Variants in ACOXL observed in about 807,000 individuals in gnomAD.
The protein encoded by ACOXL is acyl-CoA oxidase like, also known as acyl-coenzyme A oxidase-like protein.
In ACOXL, 70 loss-of-function variants were observed where a neutral mutation model predicts 71.9. That is an observed-to-expected ratio of 0.97 (90% CI 0.80 to 1.19). The LOEUF (loss-of-function observed/expected upper bound fraction) is 1.19. Among genes scored for constraint, ACOXL ranks in the 50% most tolerant of loss-of-function variants. The probability of loss-of-function intolerance (pLI) is 0.00; values close to 1 mark genes in which losing one functional copy is unlikely to be tolerated. For missense variants in ACOXL, 703 were observed against 736.3 expected (o/e 0.95, Z 0.52); for synonymous variants, 253 against 281.6 (o/e 0.90, Z 1.02).
At chr2:110,797,444 T>C (rs1033234032) in intron 5 of ACOXL, among the ~76,000 whole-genome samples, 28 of 152,120 alleles carry the variant, frequency 1.8e-4, no homozygotes, top group African/African-American at 6.8e-4. Context: ...ATCAGGGAAA[T>C]AGAGAGACAT....
chr2:111,092,799 C>A lies in ACOXL; in HGVS notation c.1441-66C>A. On this transcript the variant is annotated intron_variant, in intron 16 of 17. Coordinates refer to ENST00000439055, the MANE Select transcript of ACOXL (RefSeq NM_001142807.4). ...TATTATGTTATTTCTCTTTCGCCTC[C>A]TTAGATTTTGTGTTTTCTAATATAT... 3.5e-6 allele frequency: 4 copies of A among 1,127,848 alleles called. No individual in the cohort carries two copies. The South Asian group carries it at 5.2e-5, about 15-fold the overall frequency. The allele number at this position is 1,127,848 out of a possible 1,614,324, so 69.9% of individuals were successfully genotyped here.
intron 11 of ACOXL, among the ~76,000 whole-genome samples, chr2:110,913,755 A>G (rs2059735853): frequency 6.6e-6 from 1 of 152,208 alleles, no homozygotes; most frequent in Middle Eastern, 3.4e-3. Context: ...GGTCTCCGGG[A>G]GCTTTTATTC....
intron 10 of ACOXL, among the ~76,000 whole-genome samples, chr2:110,880,647 C>G (rs1441675318): frequency 6.6e-6 from 1 of 152,166 alleles, no homozygotes; most frequent in Admixed American, 6.5e-5. Context: ...TGCCAAACTG[C>G]TCTGCAAAAG....
At chr2:110,955,048 T>A (rs767205201) in intron 12 of ACOXL, among the ~76,000 whole-genome samples, 2 of 152,228 alleles carry the variant, frequency 1.3e-5, no homozygotes, top group Non-Finnish European at 2.9e-5. Flanking sequence ...TGTCATGACC[T>A]ATGGTTTCAC....
chr2:110,780,247 A>G (rs1203451775), intron 2 of ACOXL, among the ~76,000 whole-genome samples: 1 of 152,234 alleles, frequency 6.6e-6, no homozygotes, highest in Non-Finnish European at 1.5e-5. Context: ...TCTTTAAACT[A>G]TAGTGATATA....
intron 15 of ACOXL, 116 bp downstream of exon 15, chr2:111,031,830 T>C (rs111893813): frequency 1.9e-6 from 2 of 1,056,106 alleles, no homozygotes; most frequent in African/African-American, 1.6e-5. Context: ...GGACAGTCCG[T>C]GTGTTGAATT....
At chr2:110,951,958 T>A (rs2149410846) in intron 12 of ACOXL, among the ~76,000 whole-genome samples, 1 of 152,350 alleles carries the variant, frequency 6.6e-6, no homozygotes, top group East Asian at 1.9e-4. Context: ...AGGGGTGTCC[T>A]TAACCTAGTT....
At chr2:110,770,857 G>A (rs1259956310) in intron 2 of ACOXL, among the ~76,000 whole-genome samples, 1 of 152,254 alleles carries the variant, frequency 6.6e-6, no homozygotes, top group Non-Finnish European at 1.5e-5. Context: ...AGACCCGGAT[G>A]TGAGAGCTGA....
intron 14 of ACOXL, among the ~76,000 whole-genome samples, chr2:111,014,749 G>T (rs962997360): frequency 6.6e-6 from 1 of 152,190 alleles, no homozygotes; most frequent in Non-Finnish European, 1.5e-5. Context: ...CAATAATACA[G>T]ACATGGTACT....
At chr2:110,979,586 C>T (rs1039622668) in intron 12 of ACOXL, among the ~76,000 whole-genome samples, 2 of 152,164 alleles carry the variant, frequency 1.3e-5, no homozygotes, top group Non-Finnish European at 2.9e-5. Context: ...CTGAGCTGGA[C>T]TCCACTGGGC....
intron 10 of ACOXL, 141 bp downstream of exon 10, chr2:110,841,546 T>G: frequency 1.5e-6 from 1 of 654,782 alleles, no homozygotes; most frequent in Non-Finnish European, 2.6e-6. Context: ...ATTGTTCTAG[T>G]TGCTTGATTG....
intron 10 of ACOXL, among the ~76,000 whole-genome samples, chr2:110,896,826 C>A (rs1574032340): frequency 6.6e-6 from 1 of 152,236 alleles, no homozygotes; most frequent in African/African-American, 2.4e-5. Flanking sequence ...TGGAACTAGG[C>A]AGAAAGTCAG....
chr2:110,818,880 C>T (rs991461286), intron 9 of ACOXL, among the ~76,000 whole-genome samples: 1 of 64,726 alleles, frequency 1.5e-5, no homozygotes, highest in African/African-American at 3.3e-5. Flanking sequence ...CAAAGCTGAC[C>T]TGGCTGCGAT....
chr2:110,780,589 T>C (rs925347471), intron 2 of ACOXL, among the ~76,000 whole-genome samples: 1 of 152,206 alleles, frequency 6.6e-6, no homozygotes, highest in Non-Finnish European at 1.5e-5. Flanking sequence ...TATTCATAGA[T>C]GGAAACCATT....
intron 5 of ACOXL, among the ~76,000 whole-genome samples, chr2:110,796,875 G>A (rs2105292927): frequency 6.6e-6 from 1 of 152,352 alleles, no homozygotes; most frequent in African/African-American, 2.4e-5. Flanking sequence ...CTTCAAGACT[G>A]TATTTCTTGG....
chr2:111,100,066 T>G (rs1311742894), intron 17 of ACOXL: 1 of 152,222 alleles, frequency 6.6e-6, no homozygotes, highest in Non-Finnish European at 1.5e-5. Context: ...GCTCTGCCAG[T>G]GCCTGCCTGC....
chr2:111,009,998 A>G (rs1416186071), intron 14 of ACOXL, among the ~76,000 whole-genome samples: 1 of 152,196 alleles, frequency 6.6e-6, no homozygotes, highest in Admixed American at 6.5e-5. Context: ...ATAAGACTCA[A>G]TACCCTTTAG....
intron 1 of ACOXL, among the ~76,000 whole-genome samples, chr2:110,742,146 C>T (rs1267686509): frequency 3.3e-5 from 5 of 152,192 alleles, no homozygotes; most frequent in South Asian, 2.1e-4. Context: ...CAGCTAAAAT[C>T]GTGACAGTAT....
intron 11 of ACOXL, among the ~76,000 whole-genome samples, chr2:110,918,361 G>C (rs2059940447): frequency 6.6e-6 from 1 of 152,162 alleles, no homozygotes; most frequent in East Asian, 1.9e-4. Context: ...GCCATATACA[G>C]AAAACTGAAA....
Sources: allele counts gnomAD v4.1 joint callset (sites outside exome capture counted in the v4.1 genomes callset), GRCh38; gene constraint gnomAD v4.1.1; transcripts MANE v1.5; gene names NCBI Gene and HGNC (gene_info 2026-07-23, HGNC 2026-07-21).